Variants in CDKL5 observed in about 807,000 individuals in gnomAD.
The protein encoded by CDKL5 is cyclin dependent kinase like 5.
Under a neutral mutation model 61.7 loss-of-function variants are expected in CDKL5, and 8 were observed. That is an observed-to-expected ratio of 0.13 (90% CI 0.08 to 0.23). The LOEUF (loss-of-function observed/expected upper bound fraction) is 0.23, where lower values mean the gene tolerates loss of function less well. Among genes scored for constraint, CDKL5 ranks in the 10% least tolerant of loss-of-function variants. The pLI, the probability that CDKL5 is intolerant of heterozygous loss-of-function variation, is 1.00. For synonymous variants in CDKL5, 275 were observed against 272.3 expected, an observed-to-expected ratio of 1.01 and a Z score of -0.10; for missense variants, 440 against 734.5, an observed-to-expected ratio of 0.60 and a Z score of 4.63.
At chrX:18,567,692 G>A (rs772680731) in intron 4 of CDKL5, among the ~76,000 whole-genome samples, 8 of 111,544 alleles carry the variant, frequency 7.2e-5, no homozygotes, top group South Asian at 3.7e-4. Flanking sequence ...ACCAGCCTGG[G>A]CAACATGGCG....
rs776601149 is a variant in CDKL5 at position 18,653,529 on chromosome X, A to G, written c.3078A>G (p.Ala1026=). Reference sequence around the variant, plus strand: ...TCCTGACATACCATGAGAATGCGGCACTGACGGGCAAGTGACTTCTGCAAG... The same window carrying G: ...TCCTGACATACCATGAGAATGCGGCGCTGACGGGCAAGTGACTTCTGCAAG... The change falls in exon 22 of 22, where the codon GCA becomes GCG. Residue 1026 remains alanine (A), a synonymous_variant. Transcript: ENST00000379989. 7 of 1,211,969 alleles carry G rather than the reference A, an allele frequency of 5.8e-6. No individual in the cohort carries two copies. In the South Asian group the frequency reaches 1.2e-4, roughly 21 times the overall value.
chrX:18,456,912 G>T, intron 1 of CDKL5, among the ~76,000 whole-genome samples: 1 of 110,818 alleles, frequency 9.0e-6, no homozygotes, highest in Non-Finnish European at 1.9e-5. Flanking sequence ...TGTGCTTCTG[G>T]AAATATGCTT....
chrX:18,453,638 G>A lies in CDKL5; in HGVS notation c.-163+27943G>A, dbSNP rs145348472. 8.4e-3 allele frequency among the ~76,000 whole-genome samples: 933 copies of A among 111,457 alleles called. 3 individuals carry two copies. Among genetic ancestry groups the A allele is most frequent in the Middle Eastern group, 0.056 (12 of 213 alleles). On this transcript the variant is annotated intron_variant, in intron 1 of 17. Transcript: ENST00000623535. ...TTGAGTTTTAACATTTTCCTTTTTA[G>A]AACCAGTCTAGCACTTCTCTGGGGT...
chrX:18,432,641 T>G (rs1023287728), intron 1 of CDKL5, among the ~76,000 whole-genome samples: 22 of 102,629 alleles, frequency 2.1e-4, no homozygotes, highest in Non-Finnish European at 3.8e-4. Flanking sequence ...ATCTCAACTC[T>G]GTCACTCAGG....
intron 9 of CDKL5, among the ~76,000 whole-genome samples, chrX:18,593,557 T>A (rs1448860980): frequency 1.8e-5 from 2 of 111,626 alleles, no homozygotes; most frequent in Non-Finnish European, 3.8e-5. Context: ...GCCTCTGTAC[T>A]TCCCTTAGGA....
chrX:18,601,554 G>T (rs1926179913), intron 11 of CDKL5, among the ~76,000 whole-genome samples: 1 of 112,343 alleles, frequency 8.9e-6, no homozygotes, highest in Admixed American at 9.4e-5. Context: ...CCGATGCAAA[G>T]GGAGTATGAT....
At chrX:18,457,508 T>A (rs182571569) in intron 1 of CDKL5, 96 of 112,107 alleles carry the variant, frequency 8.6e-4, no homozygotes, top group African/African-American at 3.1e-3. Context: ...GGGGAAAACA[T>A]GGCTACTGGA....
intron 1 of CDKL5, among the ~76,000 whole-genome samples, chrX:18,445,197 C>T (rs1931846896): frequency 9.2e-6 from 1 of 109,170 alleles, no homozygotes; most frequent in Admixed American, 9.9e-5. Context: ...CCTGCCTCAG[C>T]CTCTTGAGTA....
In CDKL5 at chrX:18,560,849, G is replaced by C. The variant is rs536566423; in HGVS notation, c.100-3628G>C. Reference sequence around the variant, plus strand: ...TTTAAAATTTTTATTTCAAAGAAAAGGAAAAGTCCTAACAGTATTTAGGCA... The same window carrying C: ...TTTAAAATTTTTATTTCAAAGAAAACGAAAAGTCCTAACAGTATTTAGGCA... On this transcript the variant is annotated intron_variant, in intron 3 of 17. Coordinates refer to ENST00000623535, the MANE Select transcript of CDKL5 (RefSeq NM_001323289.2). Among the ~76,000 whole-genome samples, 390 of 110,359 alleles carry C rather than the reference G, an allele frequency of 3.5e-3. 2 individuals carry two copies. In the Middle Eastern group the frequency reaches 0.047, roughly 13 times the overall value.
Position 18,639,947 on chromosome X carries a change from C to T in CDKL5, c.*11190C>T, listed in dbSNP as rs1399235965. The T allele has an allele frequency of 1.8e-5, 2 of 111,768 alleles. No individual in the cohort carries two copies. The highest frequency in any genetic ancestry group is 6.5e-5 in the African/African-American group (2 of 30,706). 9.2% of individuals were successfully genotyped at this position (111,768 alleles called of 1,213,427 possible). A position where few individuals can be genotyped will look rare whatever the true frequency, so the allele number is the denominator to read the frequency against. ...TATGATTTCATTTATGTAGAACGTC[C>T]AGAAGGCCAATCTACAGAGACAGTC... On this transcript the variant is annotated 3_prime_UTR_variant, in exon 18 of 18. Transcript: ENST00000623535.
intron 8 of CDKL5, among the ~76,000 whole-genome samples, chrX:18,586,731 A>C: frequency 8.9e-6 from 1 of 111,864 alleles, no homozygotes; most frequent in Non-Finnish European, 1.9e-5. Context: ...CAGCTGCATA[A>C]ATTATTCAAA....
chrX:18,566,093 C>G (rs769310583), intron 4 of CDKL5, among the ~76,000 whole-genome samples: 26 of 112,266 alleles, frequency 2.3e-4, no homozygotes, highest in Non-Finnish European at 2.8e-4. Context: ...GCATCAGTTA[C>G]CACCAAAAAT....
chrX:18,442,169 T>G (rs1460860893), intron 1 of CDKL5: 2 of 111,258 alleles, frequency 1.8e-5, no homozygotes, highest in Admixed American at 1.9e-4. Context: ...CACCCCCAGG[T>G]TTGCATCACA....
chrX:18,595,887 G>C (rs1415877109), intron 10 of CDKL5, among the ~76,000 whole-genome samples: 2 of 111,684 alleles, frequency 1.8e-5, no homozygotes, highest in African/African-American at 3.3e-5. Flanking sequence ...TACTTTAGAC[G>C]TATCAGGATC....
intron 1 of CDKL5, among the ~76,000 whole-genome samples, chrX:18,454,792 A>T (rs2147639185): frequency 9.0e-6 from 1 of 110,517 alleles, no homozygotes; most frequent in South Asian, 3.9e-4. Context: ...CTGACCTCAA[A>T]TGATCCACCT....
rs772299455 is a variant in CDKL5 at position 18,507,147 on chromosome X, G to A, written c.51G>A (p.Gly17=). The change falls in exon 2 of 18, where the codon GGG becomes GGA. Residue 17 remains glycine (G), a synonymous_variant. Transcript: ENST00000623535. ...GNVMNKFEIL[G]VVGEGAYGVV... ...TGATGAATAAATTTGAGATCCTTGG[G>A]GTTGTAGGTGAAGGTAAGTTGGAAT... 6 of 1,194,974 alleles carry A rather than the reference G, an allele frequency of 5.0e-6. No homozygotes were observed. Among genetic ancestry groups the A allele is most frequent in the Admixed American group, 4.4e-5 (2 of 45,886 alleles).
At chrX:18,589,491 TAGTATTCCATGGTGTATA>T (rs1925756545) in intron 9 of CDKL5, 1 of 111,295 alleles carries the variant, frequency 9.0e-6, no homozygotes, top group Admixed American at 9.6e-5. Flanking sequence ...TATGGCTGCA[TAGTATTCCATGGTGTATA>T]TGTGCCACAT....
intron 1 of CDKL5, among the ~76,000 whole-genome samples, chrX:18,497,084 C>T (rs1015246286): frequency 2.6e-4 from 29 of 109,434 alleles, no homozygotes; most frequent in African/African-American, 9.7e-4. Flanking sequence ...CCTCTGCCTC[C>T]TGGGTTCAAG....
At chrX:18,446,159 C>T (rs759713335) in intron 1 of CDKL5, among the ~76,000 whole-genome samples, 20 of 100,225 alleles carry the variant, frequency 2.0e-4, no homozygotes, top group Middle Eastern at 5.0e-3. Context: ...GCCTGGCCAA[C>T]GTGGTGAAAC....
Sources: gnomAD v4.1 joint callset for allele counts (sites outside exome capture counted in the v4.1 genomes callset) on GRCh38, gnomAD v4.1.1 for gene constraint, MANE v1.5 for transcripts, NCBI Gene and HGNC (gene_info 2026-07-23, HGNC 2026-07-21) for gene names.